PLCB4: variants seen among roughly 807,000 people sequenced by gnomAD.
PLCB4 encodes the protein phospholipase C beta 4, also known as 1-phosphatidylinositol 4,5-bisphosphate phosphodiesterase beta-4.
In PLCB4, 77 loss-of-function variants were observed where a neutral mutation model predicts 178.8. The ratio of observed to expected loss-of-function variants is 0.43; its 90% CI spans 0.36 to 0.52. The LOEUF is 0.52. PLCB4 is among the 20% of genes least tolerant of loss of function. PLCB4 has a pLI of 0.00. For missense variants in PLCB4, 1,024 were observed against 1,453.4 expected, an observed-to-expected ratio of 0.70 and a Z score of 4.80; for synonymous variants, 496 against 490.8, an observed-to-expected ratio of 1.01 and a Z score of -0.14.
chr20:9,152,280 A>G (rs1410201058), intron 2 of PLCB4, among the ~76,000 whole-genome samples: 1 of 152,208 alleles, frequency 6.6e-6, no homozygotes, highest in Non-Finnish European at 1.5e-5. Flanking sequence ...CCCCAAGACC[A>G]TGGAGAAAAT....
intron 28 of PLCB4, among the ~76,000 whole-genome samples, chr20:9,432,585 A>G (rs2041498054): frequency 6.6e-6 from 1 of 152,208 alleles, no homozygotes; most frequent in Non-Finnish European, 1.5e-5. Flanking sequence ...ATACAAGTTA[A>G]ACCTCACTCT....
intron 33 of PLCB4, among the ~76,000 whole-genome samples, chr20:9,453,762 A>G (rs955061961): frequency 6.6e-6 from 1 of 152,224 alleles, no homozygotes; most frequent in Non-Finnish European, 1.5e-5. Flanking sequence ...AATTGAAAAA[A>G]TACCTCTTTA....
intron 3 of PLCB4, among the ~76,000 whole-genome samples, chr20:9,240,531 C>G (rs2147408543): frequency 6.6e-6 from 1 of 152,148 alleles, no homozygotes; most frequent in African/African-American, 2.4e-5. Flanking sequence ...GTGAATTTTC[C>G]TAACTATTAT....
rs1188010250 is a variant in PLCB4, at chr20:9,191,422, A to G, written c.-78-25968A>G. 6.4e-5 allele frequency among the ~76,000 whole-genome samples: 9 copies of G among 141,000 alleles called. No homozygotes were observed. The East Asian group carries it at 1.9e-3, about 30-fold the overall frequency. The allele number at this position is 141,000 out of a possible 152,430, so 92.5% of individuals were successfully genotyped here. A position where few individuals can be genotyped will look rare whatever the true frequency, so the allele number is the denominator to read the frequency against. The stretch of plus-strand genomic sequence containing the variant: ...GTGTTCAAGGGGCCCTCTTAGAAGC[A>G]GAGACCAGGTCCTCACTAAACACTG... On this transcript the variant is annotated intron_variant, in intron 2 of 39. Coordinates refer to ENST00000378473, the MANE Select transcript of PLCB4 (RefSeq NM_001377142.1).
chr20:9,110,397 C>A (rs551281070), intron 2 of PLCB4, among the ~76,000 whole-genome samples: 2 of 152,100 alleles, frequency 1.3e-5, no homozygotes, highest in Non-Finnish European at 2.9e-5. Flanking sequence ...TGTAAGCTAT[C>A]ATTTCTCCTC....
In PLCB4 at chr20:9,078,371, C is replaced by CTTT. The variant is rs1360106053; in HGVS notation, c.-135+9167_-135+9168insTTT. On this transcript the variant is annotated intron_variant, in intron 1 of 39. Coordinates refer to ENST00000378473, the MANE Select transcript of PLCB4 (RefSeq NM_001377142.1). ...TTCTTTTCTTCTCTTTTCTTTTCTT[C>CTTT]TTCTCTTCTTTTCTTTCTTTTCTTT... Among the ~76,000 whole-genome samples, 7 of 96,310 alleles carry CTTT rather than the reference C, an allele frequency of 7.3e-5. No individual in the cohort carries two copies. In the East Asian group the frequency reaches 2.1e-3, roughly 29 times the overall value. The allele number at this position is 96,310 out of a possible 152,430, so 63.2% of individuals were successfully genotyped here.
At chr20:9,272,601 A>G (rs974557929) in intron 3 of PLCB4, among the ~76,000 whole-genome samples, 2 of 152,090 alleles carry the variant, frequency 1.3e-5, no homozygotes, top group East Asian at 3.9e-4. Flanking sequence ...AGTATATTTT[A>G]TGTTGGCAAG....
At chr20:9,431,579 C>T (rs1434130476) in intron 28 of PLCB4, among the ~76,000 whole-genome samples, 1 of 152,056 alleles carries the variant, frequency 6.6e-6, no homozygotes, top group Non-Finnish European at 1.5e-5. Context: ...AATTCTCCTG[C>T]CTCAGCCTCC....
chr20:9,393,545 A>G (rs1419864406), intron 17 of PLCB4, 43 bp from the exon 18 acceptor site: 4 of 1,319,382 alleles, frequency 3.0e-6, no homozygotes, highest in Non-Finnish European at 1.1e-6. Context: ...AGAATGGAGA[A>G]GCACAGCCCT....
At chr20:9,200,143 G>T (rs2093524634) in intron 2 of PLCB4, among the ~76,000 whole-genome samples, 2 of 150,220 alleles carry the variant, frequency 1.3e-5, no homozygotes, top group African/African-American at 4.9e-5. Context: ...CTCAAAAATG[G>T]ATACCAGCTA....
intron 1 of PLCB4, among the ~76,000 whole-genome samples, chr20:9,080,728 C>G (rs1054996642): frequency 9.2e-5 from 14 of 152,128 alleles, no homozygotes; most frequent in Admixed American, 7.9e-4. Context: ...TTTATAACCC[C>G]CAATTTACTG....
intron 2 of PLCB4, among the ~76,000 whole-genome samples, chr20:9,102,522 A>G (rs1318741887): frequency 6.6e-6 from 1 of 152,220 alleles, no homozygotes; most frequent in East Asian, 1.9e-4. Flanking sequence ...TTTACTGTGT[A>G]TTAACTAATA....
intron 2 of PLCB4, among the ~76,000 whole-genome samples, chr20:9,170,680 A>G (rs1385655286): frequency 1.3e-5 from 2 of 152,204 alleles, no homozygotes; most frequent in Non-Finnish European, 2.9e-5. Flanking sequence ...ATAATTCATG[A>G]CATTCCATGT....
At chr20:9,146,313 T>C (rs958238922) in intron 2 of PLCB4, among the ~76,000 whole-genome samples, 1 of 152,070 alleles carries the variant, frequency 6.6e-6, no homozygotes, top group African/African-American at 2.4e-5. Flanking sequence ...GACCAAACTC[T>C]GGAGTTTCAG....
intron 15 of PLCB4, among the ~76,000 whole-genome samples, chr20:9,388,441 G>A (rs1024907486): frequency 2.0e-5 from 3 of 152,152 alleles, no homozygotes; most frequent in African/African-American, 7.2e-5. Flanking sequence ...AGGTGCTGCT[G>A]GGCGTGGTGG....
At chr20:9,349,007 T>C (rs762571271) in intron 7 of PLCB4, among the ~76,000 whole-genome samples, 1 of 150,734 alleles carries the variant, frequency 6.6e-6, no homozygotes, top group Non-Finnish European at 1.5e-5. Context: ...TTGCTCATGA[T>C]AGAGGATGTA....
chr20:9,467,048 G>C (rs1603043183), intron 35 of PLCB4, among the ~76,000 whole-genome samples: 2 of 152,266 alleles, frequency 1.3e-5, no homozygotes, highest in Admixed American at 1.3e-4. Flanking sequence ...ATCAGTGATA[G>C]ACTGGATTAA....
intron 6 of PLCB4, 107 bp from the exon 7 acceptor site, chr20:9,338,787 C>A (rs1336123096): frequency 6.4e-6 from 5 of 778,036 alleles, no homozygotes; most frequent in Non-Finnish European, 1.0e-5. Flanking sequence ...GGTGTCTGGG[C>A]CCTTATGTTT....
At chr20:9,156,208 TA>T (rs1281238956) in intron 2 of PLCB4, among the ~76,000 whole-genome samples, 1 of 152,190 alleles carries the variant, frequency 6.6e-6, no homozygotes, top group Non-Finnish European at 1.5e-5. Flanking sequence ...GGCAGCTCTT[TA>T]ACACTGGAAA....
Sources: gnomAD v4.1 joint callset for allele counts (sites outside exome capture counted in the v4.1 genomes callset) on GRCh38, gnomAD v4.1.1 for gene constraint, MANE v1.5 for transcripts, NCBI Gene and HGNC (gene_info 2026-07-23, HGNC 2026-07-21) for gene names.